The following DNAAF3 variants were observed in gnomAD, a reference collection of about 807,000 sequenced individuals.
The protein encoded by DNAAF3 is dynein axonemal assembly factor 3.
DNAAF3 carries 40 observed loss-of-function variants against 50.9 expected under a neutral mutation model. The observed-to-expected ratio is 0.79, with a 90% CI of 0.61 to 1.02. The LOEUF (loss-of-function observed/expected upper bound fraction) is 1.02, where lower values mean the gene tolerates loss of function less well. Ranked by LOEUF, DNAAF3 falls within the 50% of genes least tolerant of loss-of-function variation. The pLI, the probability that DNAAF3 is intolerant of heterozygous loss-of-function variation, is 0.00. For missense variants in DNAAF3, 763 were observed against 744.7 expected (o/e 1.02, Z -0.29); for synonymous variants, 327 against 322.8 (o/e 1.01, Z -0.14).
At position 55,161,687 on chromosome 19, in the gene DNAAF3, C is replaced by T. The variant is rs1464540393; in HGVS notation, c.619G>A (p.Gly207Ser). ...YLGSRYDARR[G>S]VSDWDLRMKL... ...ATGCGCAGGTCCCAGTCGCTGACAC[C>T]GCGCCGGGCGTCGTAGCGGGAGCCC... The change falls in exon 6 of 12, where the codon GGT becomes AGT. Residue 207 changes from glycine (G) to serine (S), a missense_variant. Physicochemically the swap from Gly to Ser is moderately conservative, Grantham distance 56. Transcript: ENST00000524407. The surrounding 1 kb of genome is among the most constrained non-coding windows in gnomAD (Gnocchi z 6.4). 8.4e-6 allele frequency: 13 copies of T among 1,540,312 alleles called. No individual in the cohort carries two copies. In the South Asian group the frequency reaches 1.4e-4, roughly 17 times the overall value.
chr19:55,160,738 AG>A lies in DNAAF3; in HGVS notation c.949del (p.Leu317CysfsTer91). 1.2e-6 allele frequency: 2 copies of A among 1,612,570 alleles called. No homozygotes were observed. Among genetic ancestry groups the A allele is most frequent in the Non-Finnish European group, 1.7e-6 (2 of 1,179,810 alleles). On this transcript the variant is annotated frameshift_variant, in exon 9 of 12. Transcript: ENST00000524407. LOFTEE classifies it high-confidence loss of function. The surrounding 1 kb of genome is among the most constrained non-coding windows in gnomAD (Gnocchi z 4.7). ...GEITQHNVTE[L>X]LRDVAAWGRA... ...CCCCCAGGCGGCCACGTCGCGGAGC[AG>A]CTCCGTCACGTTGTGTTGAGTGATC...
At chr19:55,165,524 C>T in intron 3 of DNAAF3, 61 bp from the exon 4 acceptor site, 1 of 1,525,426 alleles carries the variant, frequency 6.6e-7, no homozygotes. Context: ...CTAGGAGACC[C>T]AGGAGAGCAG....
Position 55,162,186 on chromosome 19 carries a change from C to T in DNAAF3, c.427G>A (p.Glu143Lys), listed in dbSNP as rs931283937. 17 of 1,253,318 alleles carry T rather than the reference C, an allele frequency of 1.4e-5. No homozygotes were observed. The highest frequency in any genetic ancestry group is 1.6e-5 in the Non-Finnish European group (16 of 991,270). 77.6% of individuals were successfully genotyped at this position (1,253,318 alleles called of 1,614,324 possible). A position where few individuals can be genotyped will look rare whatever the true frequency, so the allele number is the denominator to read the frequency against. The change falls in exon 5 of 12, where the codon GAG becomes AAG. Residue 143 changes from glutamate (E) to lysine (K), a missense_variant. Glu to Lys is a moderately conservative substitution (Grantham distance 56). Transcript: ENST00000524407. ...QADLLAHLVPEPDRLEEQLPW... is the reference protein window; with the variant it reads ...QADLLAHLVPKPDRLEEQLPW... ...AGCTGTTCCTCCAGGCGGTCGGGCT[C>T]GGGGACCAGGTGCGCCAGCAGGTCG...
In DNAAF3 at chr19:55,159,958, C is replaced by G; in HGVS notation, c.1104G>C (p.Gln368His). 1 of 1,613,330 alleles carries G rather than the reference C, an allele frequency of 6.2e-7. No individual in the cohort carries two copies. Among genetic ancestry groups the G allele is most frequent in the Non-Finnish European group, 8.5e-7 (1 of 1,179,834 alleles). The change falls in exon 10 of 12, where the codon CAG (glutamine) becomes CAC (histidine). Residue 368 changes from glutamine (Q) to histidine (H), a missense_variant. Transcript: ENST00000524407. ...TVHFLPLNSA[Q>H]TLHHKSCYNG... Reference sequence around the variant, plus strand: ...TGTAGCAGCTCTTGTGGTGGAGAGTCTGAGCAGAATTGAGCGGCAGGAAGT... The same window carrying G: ...TGTAGCAGCTCTTGTGGTGGAGAGTGTGAGCAGAATTGAGCGGCAGGAAGT...
In DNAAF3 at chr19:55,161,883, G is replaced by A. The variant is rs1568865411; in HGVS notation, c.481-58C>T. 6 of 1,377,548 alleles carry A rather than the reference G, an allele frequency of 4.4e-6. No individual in the cohort carries two copies. The highest frequency in any genetic ancestry group is 6.0e-5 in the East Asian group (2 of 33,612). The allele number at this position is 1,377,548 out of a possible 1,614,324, so 85.3% of individuals were successfully genotyped here. Reference sequence around the variant, plus strand: ...AGGCAGAGAGGGATGCAGGGAGAGCGGATTCTAATTGACCCTCTCTTCCAT... The same window carrying A: ...AGGCAGAGAGGGATGCAGGGAGAGCAGATTCTAATTGACCCTCTCTTCCAT... On this transcript the variant is annotated intron_variant, in intron 5 of 11. Coordinates refer to ENST00000524407, the MANE Select transcript of DNAAF3 (RefSeq NM_001256715.2). This position sits in a 1 kb window ranked among gnomAD's most constrained non-coding sequence, Gnocchi z 6.4.
At position 55,161,537 on chromosome 19, in the gene DNAAF3, G is replaced by A; in HGVS notation, c.663+106C>T. 6.8e-7 allele frequency: 1 copy of A among 1,480,506 alleles called. No homozygotes were observed. The highest frequency in any genetic ancestry group is 9.0e-7 in the Non-Finnish European group (1 of 1,117,058). The allele number at this position is 1,480,506 out of a possible 1,614,324, so 91.7% of individuals were successfully genotyped here. A position where few individuals can be genotyped will look rare whatever the true frequency, so the allele number is the denominator to read the frequency against. ...CCAGGCCCTCCTCCCTCAGACCCAG[G>A]AGTTCAGGCCCCCAAACCCTCCTCC... On this transcript the variant is annotated intron_variant, in intron 6 of 11. Transcript: ENST00000524407. This position sits in a 1 kb window ranked among gnomAD's most constrained non-coding sequence, Gnocchi z 6.4.
In DNAAF3 at chr19:55,161,999, C is replaced by T. The variant is rs1208822555; in HGVS notation, c.480+134G>A. 2 of 1,343,152 alleles carry T rather than the reference C, an allele frequency of 1.5e-6. No homozygotes were observed. Among genetic ancestry groups the T allele is most frequent in the Non-Finnish European group, 1.9e-6 (2 of 1,047,380 alleles). 83.2% of individuals were successfully genotyped at this position (1,343,152 alleles called of 1,614,324 possible). ...CACCTCCTGCCCCCAGGCCAAATCC[C>T]ACAGTGGGAGTCGGGGAACTGGGAT... On this transcript the variant is annotated intron_variant, in intron 5 of 11. Transcript: ENST00000524407. The surrounding 1 kb of genome is among the most constrained non-coding windows in gnomAD (Gnocchi z 6.4).
Position 55,159,628 on chromosome 19 carries a change from AG to A in DNAAF3, c.1164-22del, listed in dbSNP as rs1303298639. On this transcript the variant is annotated intron_variant, in intron 10 of 11. Coordinates refer to ENST00000524407, the MANE Select transcript of DNAAF3 (RefSeq NM_001256715.2). ...CCATACTGCAGAGAGGACGGAGGACAGGCTGAGATTCAGCTCCAAATCCGGA... is the reference window on the plus strand; with the variant it reads ...CCATACTGCAGAGAGGACGGAGGACAGCTGAGATTCAGCTCCAAATCCGGA... 3.1e-6 allele frequency: 5 copies of A among 1,612,590 alleles called. No homozygotes were observed. In the South Asian group the frequency reaches 5.5e-5, roughly 18 times the overall value.
Position 55,158,927 on chromosome 19 carries a change from G to T in DNAAF3, c.*135C>A. The stretch of plus-strand genomic sequence containing the variant: ...AAAGTCTACCAACACTCCCGGGGTG[G>T]GGGTGGCGGGTACTGAGTGGGAATG... On this transcript the variant is annotated 3_prime_UTR_variant, in exon 12 of 12. Transcript: ENST00000524407. The T allele has an allele frequency of 1.1e-6, 1 of 922,102 alleles. No individual in the cohort carries two copies. The highest frequency in any genetic ancestry group is 1.6e-6 in the Non-Finnish European group (1 of 632,230). 57.1% of individuals were successfully genotyped at this position (922,102 alleles called of 1,614,324 possible).
In DNAAF3 at chr19:55,162,997, C is replaced by CTTTT. The variant is rs576178532; in HGVS notation, c.323-711_323-708dup. On this transcript the variant is annotated intron_variant, in intron 4 of 11. Transcript: ENST00000524407. ...TTTTATTTCTTTTTCTTTTCTTTTT[C>CTTTT]TTTTTTTTTTTTTTTTTTTTTTTTT... Among the ~76,000 whole-genome samples the CTTTT allele has an allele frequency of 9.4e-4, 87 of 92,208 alleles. 3 individuals carry two copies. Among genetic ancestry groups the CTTTT allele is most frequent in the East Asian group, 1.5e-3 (5 of 3,364 alleles). The allele number at this position is 92,208 out of a possible 152,430, so 60.5% of individuals were successfully genotyped here. A position where few individuals can be genotyped will look rare whatever the true frequency, so the allele number is the denominator to read the frequency against.
intron 4 of DNAAF3, among the ~76,000 whole-genome samples, chr19:55,163,209 C>T (rs1014307752): frequency 6.6e-6 from 1 of 150,962 alleles, no homozygotes; most frequent in African/African-American, 2.4e-5. Flanking sequence ...CGGGGTTTCA[C>T]GTGTTAGCCA....
intron 4 of DNAAF3, 55 bp downstream of exon 4, chr19:55,165,315 C>A (rs2085919667): frequency 6.5e-7 from 1 of 1,531,658 alleles, no homozygotes; most frequent in Non-Finnish European, 9.0e-7. Flanking sequence ...GCCAGAATCC[C>A]TCTAGGGAGG....
rs571902389 is a variant in DNAAF3, at chr19:55,164,822, C to G, written c.322+548G>C. ...ACAGGTGTGAACCACTGCACCCAGCCTCTCCTGGAATTTTCTAAGTGGCTC... is the reference window on the plus strand; with the variant it reads ...ACAGGTGTGAACCACTGCACCCAGCGTCTCCTGGAATTTTCTAAGTGGCTC... On this transcript the variant is annotated intron_variant, in intron 4 of 11. Transcript: ENST00000524407. Among the ~76,000 whole-genome samples the G allele has an allele frequency of 3.3e-5, 5 of 152,130 alleles. No individual in the cohort carries two copies. In the East Asian group the frequency reaches 9.7e-4, roughly 30 times the overall value.
Position 55,161,110 on chromosome 19 carries a change from C to T in DNAAF3, c.867G>A (p.Ala289=), listed in dbSNP as rs1233654845. ...TGPFVAFGIE[A]DDESLLRTSN... ...TCGTCCGCAGGAGGCTCTCGTCGTCCGCTTCGATGCCGAAGGCCACGAAGG... is the reference window on the plus strand; with the variant it reads ...TCGTCCGCAGGAGGCTCTCGTCGTCTGCTTCGATGCCGAAGGCCACGAAGG... Residue 289 remains alanine, a synonymous_variant, in exon 8 of 12, where the codon GCG becomes GCA. Coordinates refer to ENST00000524407, the MANE Select transcript of DNAAF3 (RefSeq NM_001256715.2). The surrounding 1 kb of genome is among the most constrained non-coding windows in gnomAD (Gnocchi z 6.4). 6.5e-7 allele frequency: 1 copy of T among 1,545,608 alleles called. No homozygotes were observed. Among genetic ancestry groups the T allele is most frequent in the South Asian group, 1.2e-5 (1 of 84,054 alleles).
In DNAAF3 at chr19:55,161,166, G is replaced by A. The variant is rs1190256594; in HGVS notation, c.811C>T (p.Arg271Cys). ...GTGGCGATGTCCCCCCAGTACCCGC[G>A]CGCTGCCACGCGCTCCCCACGCTGG... ...LSYRGERVAA[R>C]GYWGDIATGP... is the part of the protein sequence containing the mutation. Residue 271 changes from arginine (R) to cysteine (C), a missense_variant, in exon 8 of 12, where the codon CGC becomes TGC. Physicochemically the swap from Arg to Cys is radical, Grantham distance 180. Coordinates refer to ENST00000524407, the MANE Select transcript of DNAAF3 (RefSeq NM_001256715.2). This position sits in a 1 kb window ranked among gnomAD's most constrained non-coding sequence, Gnocchi z 6.4. 2.6e-6 allele frequency: 4 copies of A among 1,562,154 alleles called. No homozygotes were observed. Among genetic ancestry groups the A allele is most frequent in the Admixed American group, 3.8e-5 (2 of 52,754 alleles).
rs1258659852 is a variant in DNAAF3, at chr19:55,159,416, C to G, written c.1272G>C (p.Gln424His). The G allele has an allele frequency of 4.3e-6, 7 of 1,614,024 alleles. No individual in the cohort carries two copies. Among genetic ancestry groups the G allele is most frequent in the Non-Finnish European group, 5.9e-6 (7 of 1,180,010 alleles). ...YLVDVRQEQL[Q>H]GFNTRVRELA... ...GCTCCCTGACCCGGGTGTTGAATCC[C>G]TGCAGCTGCTCCTGCCGCACGTCCA... Residue 424 changes from glutamine (Q) to histidine (H), a missense_variant, in exon 12 of 12, where the codon CAG becomes CAC. Physicochemically the swap from Gln to His is conservative, Grantham distance 24. Transcript: ENST00000524407.
Position 55,165,365 on chromosome 19 carries a change from C to A in DNAAF3, c.322+5G>T. 6.2e-7 allele frequency: 1 copy of A among 1,614,026 alleles called. No homozygotes were observed. Among genetic ancestry groups the A allele is most frequent in the Non-Finnish European group, 8.5e-7 (1 of 1,179,900 alleles). On this transcript the variant is annotated splice_donor_5th_base_variant and intron_variant, in intron 4 of 11. Transcript: ENST00000524407. The stretch of plus-strand genomic sequence containing the variant: ...GGTCAGAATGCCTGGGTCCTAGCAA[C>A]AGACCTTGCAGCCCCATCTTCTCCG...
At position 55,165,896 on chromosome 19, in the gene DNAAF3, G is replaced by C. The variant is rs772241258; in HGVS notation, c.190C>G (p.Leu64Val). The C allele has an allele frequency of 6.2e-7, 1 of 1,614,192 alleles. No individual in the cohort carries two copies. Among genetic ancestry groups the C allele is most frequent in the South Asian group, 1.1e-5 (1 of 91,084 alleles). Residue 64 changes from leucine (L) to valine (V), a missense_variant, in exon 3 of 12, where the codon CTG becomes GTG. Physicochemically the swap from Leu to Val is conservative, Grantham distance 32 (BLOSUM62 1). Transcript: ENST00000524407. ...CGAGGCCAGAACTTCGCTCGGGACAGGGTCCGCAGCAGGTGCCGTCCATCC... is the reference window on the plus strand; with the variant it reads ...CGAGGCCAGAACTTCGCTCGGGACACGGTCCGCAGCAGGTGCCGTCCATCC... ...SVDGRHLLRT[L>V]SRAKFWPRRR...
rs778639028 is a variant in DNAAF3, at chr19:55,161,178, G to C, written c.799C>G (p.Arg267Gly). ...CCCCAGTACCCGCGCGCTGCCACGC[G>C]CTCCCCACGCTGGAAAAGGAGGGAG... ...SGRLLSYRGE[R>G]VAARGYWGDI... Residue 267 changes from arginine (R) to glycine (G), a missense_variant, in exon 8 of 12, where the codon CGC (arginine) becomes GGC (glycine). Arg to Gly is a moderately radical substitution (Grantham distance 125, BLOSUM62 -2). Transcript: ENST00000524407. The surrounding 1 kb of genome is among the most constrained non-coding windows in gnomAD (Gnocchi z 6.4). The C allele has an allele frequency of 1.9e-6, 3 of 1,569,822 alleles. No individual in the cohort carries two copies. In the South Asian group the frequency reaches 3.5e-5, roughly 18 times the overall value.
Sources: allele counts gnomAD v4.1 joint callset (sites outside exome capture counted in the v4.1 genomes callset), GRCh38; gene constraint gnomAD v4.1.1; non-coding constraint Gnocchi (gnomAD v3.1); transcripts MANE v1.5; gene names NCBI Gene and HGNC (gene_info 2026-07-23, HGNC 2026-07-21).